Variants in NRG1 observed in about 807,000 individuals in gnomAD.
NRG1 encodes neuregulin 1.
In NRG1, 18 loss-of-function variants were observed where a neutral mutation model predicts 63.8. The ratio of observed to expected loss-of-function variants is 0.28; its 90% CI spans 0.19 to 0.42. The LOEUF is 0.42. NRG1 is among the 10% of genes least tolerant of loss of function. The probability of loss-of-function intolerance (pLI) is 1.00; values close to 1 mark genes in which losing one functional copy is unlikely to be tolerated. For synonymous variants in NRG1, 302 were observed against 301.3 expected (o/e 1.00, Z -0.02); for missense variants, 762 against 814.7 (o/e 0.94, Z 0.79).
intron 1 of NRG1, among the ~76,000 whole-genome samples, chr8:32,551,769 G>A (rs1834165402): frequency 6.6e-6 from 1 of 151,950 alleles, no homozygotes; most frequent in African/African-American, 2.4e-5. Flanking sequence ...AATAGTCTTG[G>A]GTGCTGTATC....
At chr8:31,639,326 A>T (rs922028023) in exon 1 of NRG1, 2 of 1,525,208 alleles carry the variant, frequency 1.3e-6, no homozygotes, top group African/African-American at 2.8e-5. Context: ...ACAGAGAGGG[A>T]GGAGGCGCGC....
chr8:32,484,575 G>A (rs1449950570), intron 1 of NRG1, among the ~76,000 whole-genome samples: 1 of 152,056 alleles, frequency 6.6e-6, no homozygotes, highest in South Asian at 2.1e-4. Context: ...TCTATCTGGA[G>A]TCATTTGTAC....
intron 1 of NRG1, among the ~76,000 whole-genome samples, chr8:32,087,427 C>T (rs1014509950): frequency 3.4e-5 from 5 of 149,010 alleles, no homozygotes; most frequent in African/African-American, 9.8e-5. Flanking sequence ...GACTGTGAAT[C>T]AATTAAACCT....
At chr8:31,820,654 A>G (rs1168637186) in intron 1 of NRG1, among the ~76,000 whole-genome samples, 1 of 152,230 alleles carries the variant, frequency 6.6e-6, no homozygotes, top group Non-Finnish European at 1.5e-5. Flanking sequence ...GAACCCATGA[A>G]CTAGAATTAT....
rs192840931 is a variant in NRG1 at position 32,294,466 on chromosome 8, C to T, written c.38-301362C>T. 5.3e-5 allele frequency among the ~76,000 whole-genome samples: 8 copies of T among 152,240 alleles called. No homozygotes were observed. The East Asian group carries it at 1.6e-3, about 30-fold the overall frequency. On this transcript the variant is annotated intron_variant, in intron 1 of 10. Coordinates refer to the NRG1 transcript ENST00000519301. Reference sequence around the variant, plus strand: ...TAAAATTTTAATTTATCCACGCCTACCTTGTCCATTACTGTTTTAAAACAG... The same window carrying T: ...TAAAATTTTAATTTATCCACGCCTATCTTGTCCATTACTGTTTTAAAACAG...
At chr8:32,202,928 AGG>A (rs1843642529) in intron 1 of NRG1, among the ~76,000 whole-genome samples, 1 of 151,750 alleles carries the variant, frequency 6.6e-6, no homozygotes, top group Non-Finnish European at 1.5e-5. Context: ...GTTCTCACTT[AGG>A]GCTGCAGGTC....
chr8:32,126,656 A>G (rs1264359515), intron 1 of NRG1, among the ~76,000 whole-genome samples: 1 of 151,906 alleles, frequency 6.6e-6, no homozygotes, highest in African/African-American at 2.4e-5. Context: ...CCTTTCATTA[A>G]TGCAAACAAT....
At position 31,640,770 on chromosome 8, in the gene NRG1, A is replaced by T; in HGVS notation, c.37+1339A>T. 1 of 1,461,234 alleles carries T rather than the reference A, an allele frequency of 6.8e-7. No homozygotes were observed. The highest frequency in any genetic ancestry group is 9.1e-7 in the Non-Finnish European group (1 of 1,104,510). 90.5% of individuals were successfully genotyped at this position (1,461,234 alleles called of 1,614,324 possible). ...TTGGGGGCGCGAACCCGCGGCGAGG[A>T]GGGCGCATCCCGGGCGCGCGGGCAG... On this transcript the variant is annotated intron_variant, in intron 1 of 10. Transcript: ENST00000519301. This position sits in a 1 kb window ranked among gnomAD's most constrained non-coding sequence, Gnocchi z 6.3.
intron 11 of NRG1, 84 bp downstream of exon 11, chr8:32,760,490 T>C (rs1440280018): frequency 6.3e-7 from 1 of 1,583,442 alleles, no homozygotes; most frequent in Non-Finnish European, 8.6e-7. Context: ...CCTCAGGAAA[T>C]CTACTCTAAT....
chr8:32,009,028 GT>G (rs1341238700), intron 1 of NRG1, among the ~76,000 whole-genome samples: 1 of 152,068 alleles, frequency 6.6e-6, no homozygotes, highest in African/African-American at 2.4e-5. Context: ...AGGTGAACCT[GT>G]TGATGACTTC....
At chr8:31,766,263 C>T (rs969431790) in intron 1 of NRG1, among the ~76,000 whole-genome samples, 4 of 152,120 alleles carry the variant, frequency 2.6e-5, no homozygotes, top group African/African-American at 4.8e-5. Flanking sequence ...CACACTTCAA[C>T]CTACCACGTT....
chr8:32,460,251 A>T (rs780897363), intron 1 of NRG1, among the ~76,000 whole-genome samples: 5 of 152,216 alleles, frequency 3.3e-5, no homozygotes, highest in Non-Finnish European at 5.9e-5. Flanking sequence ...GTGTGTGCTA[A>T]TTAATGACAC....
At chr8:32,543,515 A>G (rs1450776168), upstream of NRG1, among the ~76,000 whole-genome samples, 1 of 152,164 alleles carries the variant, frequency 6.6e-6, no homozygotes, top group Non-Finnish European at 1.5e-5. Context: ...TTATTACAGA[A>G]GAAATGTATG....
At position 31,928,870 on chromosome 8, in the gene NRG1, G is replaced by A. The variant is rs540283026; in HGVS notation, c.37+289439G>A. Among the ~76,000 whole-genome samples the A allele has an allele frequency of 4.6e-5, 7 of 152,238 alleles. No individual in the cohort carries two copies. In the South Asian group the frequency reaches 8.3e-4, roughly 18 times the overall value. Reference sequence around the variant, plus strand: ...TAACGGACATTGGAGACTAAGAAGCGGGGAGGCTGGGAGTGAGGGTGAGAG... The same window carrying A: ...TAACGGACATTGGAGACTAAGAAGCAGGGAGGCTGGGAGTGAGGGTGAGAG... On this transcript the variant is annotated intron_variant, in intron 1 of 10. Transcript: ENST00000519301.
At chr8:32,068,247 A>G (rs1283124616) in intron 1 of NRG1, among the ~76,000 whole-genome samples, 3 of 152,220 alleles carry the variant, frequency 2.0e-5, no homozygotes, top group Non-Finnish European at 4.4e-5. Flanking sequence ...GTTTGTTTCT[A>G]CTGTAAGAAC....
At chr8:32,275,745 C>T (rs759485165) in intron 1 of NRG1, among the ~76,000 whole-genome samples, 3 of 152,098 alleles carry the variant, frequency 2.0e-5, no homozygotes, top group Non-Finnish European at 4.4e-5. Flanking sequence ...TGTGAAACCA[C>T]AGGCCTTGAT....
chr8:32,304,099 T>C (rs549513371), intron 1 of NRG1, among the ~76,000 whole-genome samples: 3 of 152,334 alleles, frequency 2.0e-5, no homozygotes, highest in Non-Finnish European at 4.4e-5. Flanking sequence ...GAAACGTTCA[T>C]GAGTGTTTAA....
intron 1 of NRG1, among the ~76,000 whole-genome samples, chr8:32,353,511 T>A (rs1252568637): frequency 6.6e-6 from 1 of 152,090 alleles, no homozygotes; most frequent in Non-Finnish European, 1.5e-5. Context: ...TGGGCAAGGT[T>A]TGAATAAGCA....
chr8:32,044,161 T>C (rs1054448133), intron 1 of NRG1, among the ~76,000 whole-genome samples: 4 of 151,888 alleles, frequency 2.6e-5, no homozygotes, highest in African/African-American at 9.7e-5. Flanking sequence ...GCTATATCAA[T>C]ATTAGACAAA....
Sources: gnomAD v4.1 joint callset for allele counts (sites outside exome capture counted in the v4.1 genomes callset) on GRCh38, gnomAD v4.1.1 for gene constraint, Gnocchi (gnomAD v3.1) non-coding constraint, MANE v1.5 for transcripts, NCBI Gene and HGNC (gene_info 2026-07-23, HGNC 2026-07-21) for gene names.